Variants in UPF1 observed in about 807,000 individuals in gnomAD.
The protein encoded by UPF1 is UPF1 RNA helicase and ATPase.
Under a neutral mutation model 129.2 loss-of-function variants are expected in UPF1, and 9 were observed. The ratio of observed to expected loss-of-function variants is 0.07; its 90% CI spans 0.04 to 0.12. The LOEUF (loss-of-function observed/expected upper bound fraction) is 0.12. Ranked by LOEUF, UPF1 falls within the 10% of genes least tolerant of loss-of-function variation. UPF1 has a pLI of 1.00. For synonymous variants in UPF1, 649 were observed against 644.9 expected (o/e 1.01, Z -0.10); for missense variants, 788 against 1,525.3 (o/e 0.52, Z 8.05).
At chr19:18,833,216 A>G (rs2239371) in intron 1 of UPF1, 31,027 of 152,208 alleles carry the variant, frequency 0.2, 3,565 homozygotes, top group East Asian at 0.42. Flanking sequence ...AGGTTGAGGC[A>G]GAGAAGAATT....
Position 18,852,304 on chromosome 19 carries a change from G to T in UPF1, c.972+8G>T, listed in dbSNP as rs766888967. The T allele has an allele frequency of 1.2e-6, 2 of 1,612,716 alleles. No individual in the cohort carries two copies. Among genetic ancestry groups the T allele is most frequent in the Non-Finnish European group, 1.7e-6 (2 of 1,179,318 alleles). Reference sequence around the variant, plus strand: ...AAGCTGAAGGAGTCCCAGGTGATGTGTGCGAGAGGGCTTGGCCTGGGGTGG... The same window carrying T: ...AAGCTGAAGGAGTCCCAGGTGATGTTTGCGAGAGGGCTTGGCCTGGGGTGG... On this transcript the variant is annotated splice_region_variant and intron_variant, in intron 6 of 23. Transcript: ENST00000262803.
Position 18,832,071 on chromosome 19 carries a change from C to G in UPF1, c.-139C>G. 1 of 777,052 alleles carries G rather than the reference C, an allele frequency of 1.3e-6. No individual in the cohort carries two copies. 48.1% of individuals were successfully genotyped at this position (777,052 alleles called of 1,614,324 possible). On this transcript the variant is annotated 5_prime_UTR_variant, in exon 1 of 24. Transcript: ENST00000262803. The surrounding 1 kb of genome is among the most constrained non-coding windows in gnomAD (Gnocchi z 5.6). ...CTGTTACCTCTCGGTCCGGCTGGCG[C>G]CGGGGCGCGCGGTTTGGTCCTTTCC...
In UPF1 at chr19:18,851,193, C is replaced by T. The variant is rs1194831393; in HGVS notation, c.810+325C>T. The T allele has an allele frequency of 4.5e-6, 1 of 224,614 alleles. No homozygotes were observed. The highest frequency in any genetic ancestry group is 9.1e-5 in the South Asian group (1 of 10,970). 13.9% of individuals were successfully genotyped at this position (224,614 alleles called of 1,614,324 possible). A position where few individuals can be genotyped will look rare whatever the true frequency, so the allele number is the denominator to read the frequency against. On this transcript the variant is annotated intron_variant, in intron 5 of 23. Transcript: ENST00000262803. The surrounding 1 kb of genome is among the most constrained non-coding windows in gnomAD (Gnocchi z 4.2). ...TGTGGGCAGACTTGTCCTGCAGAGC[C>T]TGAACCTGCCCAGACAGGTGGGCTG...
intron 1 of UPF1, among the ~76,000 whole-genome samples, chr19:18,842,789 T>A (rs2055555040): frequency 4.0e-5 from 6 of 151,852 alleles, no homozygotes; most frequent in Admixed American, 3.9e-4. Context: ...CACCTGAGGT[T>A]GGGAGTTCGA....
At chr19:18,833,826 C>A (rs1463679420) in intron 1 of UPF1, among the ~76,000 whole-genome samples, 1 of 152,146 alleles carries the variant, frequency 6.6e-6, no homozygotes, top group Non-Finnish European at 1.5e-5. Flanking sequence ...GGGGGGCTTA[C>A]GTGGTAGTCG....
At chr19:18,844,576 G>T (rs568394639) in intron 1 of UPF1, among the ~76,000 whole-genome samples, 9 of 151,592 alleles carry the variant, frequency 5.9e-5, no homozygotes, top group Non-Finnish European at 2.9e-5. Context: ...CAGGTGATCC[G>T]CCCTGCCGAG....
intron 3 of UPF1, chr19:18,848,362 A>G (rs2145947561): frequency 1.3e-5 from 2 of 156,816 alleles, no homozygotes; most frequent in South Asian, 3.5e-4. Flanking sequence ...GGGACAGGAC[A>G]GTGTTCTCCC....
rs930528251 is a variant in UPF1, at chr19:18,851,654, G to T, written c.811-481G>T. ...GGGGAAGAGCTGCGGGCCCATGTTG[G>T]TCTGGCTCAGGGTTAGCAGACGTGG... is the stretch of plus-strand genomic sequence containing the variant. On this transcript the variant is annotated intron_variant, in intron 5 of 23. Transcript: ENST00000262803. This position sits in a 1 kb window ranked among gnomAD's most constrained non-coding sequence, Gnocchi z 4.2. Among the ~76,000 whole-genome samples, 1 of 152,224 alleles carries T rather than the reference G, an allele frequency of 6.6e-6. No individual in the cohort carries two copies. Among genetic ancestry groups the T allele is most frequent in the Non-Finnish European group, 1.5e-5 (1 of 68,038 alleles).
At chr19:18,864,058 C>G in intron 19 of UPF1, 112 bp from the exon 20 acceptor site, 1 of 912,516 alleles carries the variant, frequency 1.1e-6, no homozygotes, top group East Asian at 2.4e-5. Context: ...GCCCCTGGCA[C>G]AGTGTCAACA....
chr19:18,854,810 C>T, intron 9 of UPF1, 69 bp from the exon 10 acceptor site: 1 of 1,607,722 alleles, frequency 6.2e-7, no homozygotes. Flanking sequence ...CCACCCAGCT[C>T]TGCAAACTCA....
Position 18,853,260 on chromosome 19 carries a change from C to CT in UPF1, c.1067dup (p.Met357HisfsTer5). 6.2e-7 allele frequency: 1 copy of CT among 1,611,676 alleles called. No individual in the cohort carries two copies. Among genetic ancestry groups the CT allele is most frequent in the Non-Finnish European group, 8.5e-7 (1 of 1,178,572 alleles). ...CACTTTTTTACCTCAAGACATGCGG[C>CT]TCATGCAGGGGGATGAGATATGCCT... is the stretch of plus-strand genomic sequence containing the variant. On this transcript the variant is annotated frameshift_variant, in exon 8 of 24. Coordinates refer to ENST00000262803, the MANE Select transcript of UPF1 (RefSeq NM_002911.4). LOFTEE classifies it high-confidence loss of function. This position sits in a 1 kb window ranked among gnomAD's most constrained non-coding sequence, Gnocchi z 4.4.
rs2055441880 is a variant in UPF1, at chr19:18,832,743, G to A, written c.231+303G>A. Among the ~76,000 whole-genome samples the A allele has an allele frequency of 1.3e-5, 2 of 151,800 alleles. No homozygotes were observed. Among genetic ancestry groups the A allele is most frequent in the Non-Finnish European group, 2.9e-5 (2 of 67,914 alleles). Reference sequence around the variant, plus strand: ...TTGCCTCGAGTCCTCCACTTCGTTCGGGACCGAGCTAACCTGACCCTGTTC... The same window carrying A: ...TTGCCTCGAGTCCTCCACTTCGTTCAGGACCGAGCTAACCTGACCCTGTTC... On this transcript the variant is annotated intron_variant, in intron 1 of 23. Transcript: ENST00000262803. The surrounding 1 kb of genome is among the most constrained non-coding windows in gnomAD (Gnocchi z 5.6).
Position 18,852,185 on chromosome 19 carries a change from G to C in UPF1, c.861G>C (p.Glu287Asp). ...ACCTGGAGAAGCCGGGGGTGGACGAGGAGCCGCAGCATGTCCTCCTGCGGT... is the reference window on the plus strand; with the variant it reads ...ACCTGGAGAAGCCGGGGGTGGACGACGAGCCGCAGCATGTCCTCCTGCGGT... ...LEDLEKPGVD[E>D]EPQHVLLRYE... The change falls in exon 6 of 24, where the codon GAG becomes GAC. Residue 287 changes from glutamate (E) to aspartate (D), a missense_variant. Glu to Asp is a conservative substitution (Grantham distance 45). Around this residue, in one of 6 missense-constraint regions of UPF1, gnomAD observed 227 missense variants for 517.9 expected, o/e 0.44. Transcript: ENST00000262803. 1 of 1,613,342 alleles carries C rather than the reference G, an allele frequency of 6.2e-7. No homozygotes were observed. Among genetic ancestry groups the C allele is most frequent in the Non-Finnish European group, 8.5e-7 (1 of 1,179,508 alleles).
chr19:18,837,604 C>CT (rs1473558024), intron 1 of UPF1, among the ~76,000 whole-genome samples: 3 of 152,246 alleles, frequency 2.0e-5, no homozygotes, highest in African/African-American at 7.2e-5. Flanking sequence ...AGTTGCTTTT[C>CT]TTAGCTCACC....
intron 1 of UPF1, among the ~76,000 whole-genome samples, chr19:18,843,912 G>T (rs962892934): frequency 6.6e-6 from 1 of 151,952 alleles, no homozygotes; most frequent in Non-Finnish European, 1.5e-5. Flanking sequence ...CACCTGGCTC[G>T]TTTGTGTATT....
At chr19:18,858,270 A>G (rs1054746786) in intron 15 of UPF1, among the ~76,000 whole-genome samples, 2 of 152,252 alleles carry the variant, frequency 1.3e-5, no homozygotes, top group East Asian at 1.9e-4. Context: ...CATCTGTTAC[A>G]GTAGTAAAAT....
rs200713386 is a variant in UPF1 at position 18,863,605 on chromosome 19, T to A, written c.2768T>A (p.Ile923Asn). 5.0e-6 allele frequency: 8 copies of A among 1,613,016 alleles called. No individual in the cohort carries two copies. The highest frequency in any genetic ancestry group is 6.8e-6 in the Non-Finnish European group (8 of 1,179,728). ...FSKPRKLVNTINPGARFMTTA... is the reference protein window; with the variant it reads ...FSKPRKLVNTNNPGARFMTTA... ...AAGCCACGGAAGCTGGTCAACACTA[T>A]CAACCCGGTGAGCGCCTGCACAGGA... The change falls in exon 19 of 24, where the codon ATC becomes AAC. Residue 923 changes from isoleucine to asparagine, a missense_variant. By Grantham distance (149) the Ile-to-Asn change is moderately radical (BLOSUM62 -3). This residue lies in a region of UPF1 where 218 missense variants were observed against 318.1 expected (regional missense o/e 0.69). Coordinates refer to ENST00000262803, the MANE Select transcript of UPF1 (RefSeq NM_002911.4).
At chr19:18,843,834 C>T (rs1012867024) in intron 1 of UPF1, among the ~76,000 whole-genome samples, 6 of 151,868 alleles carry the variant, frequency 4.0e-5, no homozygotes, top group Admixed American at 3.9e-4. Context: ...CGGCCTTGAC[C>T]TGCTGGGGTC....
chr19:18,860,731 C>T lies in UPF1; in HGVS notation c.2301-95C>T, dbSNP rs1362803294. 2.6e-6 allele frequency: 4 copies of T among 1,519,948 alleles called. No homozygotes were observed. The African/African-American group carries it at 4.1e-5, about 16-fold the overall frequency. The allele number at this position is 1,519,948 out of a possible 1,614,324, so 94.2% of individuals were successfully genotyped here. A position where few individuals can be genotyped will look rare whatever the true frequency, so the allele number is the denominator to read the frequency against. ...AACGCCAGTGATGGCAGCTGCCTTC[C>T]CGCAGGGTGTTGTGTCTGCACCCCT... On this transcript the variant is annotated intron_variant, in intron 16 of 23. Coordinates refer to ENST00000262803, the MANE Select transcript of UPF1 (RefSeq NM_002911.4).
Sources: gnomAD v4.1 joint callset for allele counts (sites outside exome capture counted in the v4.1 genomes callset) on GRCh38, gnomAD v4.1.1 for gene constraint, gnomAD v4.1.1 regional missense constraint, Gnocchi (gnomAD v3.1) non-coding constraint, MANE v1.5 for transcripts, NCBI Gene and HGNC (gene_info 2026-07-23, HGNC 2026-07-21) for gene names.